The following MAP2K5 variants were observed in gnomAD, a reference collection of about 807,000 sequenced individuals.
The protein encoded by MAP2K5 is mitogen-activated protein kinase kinase 5.
Under a neutral mutation model 83.1 loss-of-function variants are expected in MAP2K5, and 49 were observed. The ratio of observed to expected loss-of-function variants is 0.59; its 90% CI spans 0.47 to 0.75. MAP2K5 has a LOEUF of 0.75. Among genes scored for constraint, MAP2K5 ranks in the 30% least tolerant of loss-of-function variants. MAP2K5 has a pLI of 0.00. For missense variants in MAP2K5, 457 were observed against 557.5 expected, an observed-to-expected ratio of 0.82 and a Z score of 1.82; for synonymous variants, 202 against 191.8, an observed-to-expected ratio of 1.05 and a Z score of -0.44.
At chr15:67,675,749 G>A (rs528055828) in intron 13 of MAP2K5, among the ~76,000 whole-genome samples, 2 of 152,246 alleles carry the variant, frequency 1.3e-5, no homozygotes, top group Admixed American at 1.3e-4. Context: ...TATTCAGAAG[G>A]TCAGCTTAAT....
chr15:67,783,027 AC>A lies in MAP2K5; in HGVS notation c.1242+10276del, dbSNP rs2090354885. On this transcript the variant is annotated intron_variant, in intron 21 of 21. Coordinates refer to ENST00000178640, the MANE Select transcript of MAP2K5 (RefSeq NM_145160.3). The surrounding 1 kb of genome is among the most constrained non-coding windows in gnomAD (Gnocchi z 5.1). ...GACTGGCTGAATTATAACCCACTGC[AC>A]GTCTGGTGCAGATTTGTATTGCAGA... 6.6e-6 allele frequency among the ~76,000 whole-genome samples: 1 copy of A among 152,240 alleles called. No homozygotes were observed. Among genetic ancestry groups the A allele is most frequent in the African/African-American group, 2.4e-5 (1 of 41,472 alleles).
chr15:67,597,117 C>T (rs535804651), intron 7 of MAP2K5, among the ~76,000 whole-genome samples: 4 of 149,730 alleles, frequency 2.7e-5, no homozygotes, highest in South Asian at 2.1e-4. Context: ...TGCAGTGAGC[C>T]GAGATCACGT....
chr15:67,646,009 T>C (rs2086823990), intron 9 of MAP2K5, among the ~76,000 whole-genome samples: 1 of 152,202 alleles, frequency 6.6e-6, no homozygotes, highest in East Asian at 1.9e-4. Context: ...CTGGCTTTTT[T>C]CTTTGGTCCC....
Position 67,639,814 on chromosome 15 carries a change from A to T in MAP2K5, c.586-6417A>T, listed in dbSNP as rs185363613. On this transcript the variant is annotated intron_variant, in intron 9 of 21. Coordinates refer to ENST00000178640, the MANE Select transcript of MAP2K5 (RefSeq NM_145160.3). The stretch of plus-strand genomic sequence containing the variant: ...GGCACTTTCTCACTTCAACACTTTG[A>T]TTCACGTATTCCTCTCTAATTAGAA... Among the ~76,000 whole-genome samples, 79 of 152,298 alleles carry T rather than the reference A, an allele frequency of 5.2e-4. 2 individuals are homozygous for T. Among genetic ancestry groups the T allele is most frequent in the African/African-American group, 1.9e-3 (78 of 41,572 alleles).
intron 9 of MAP2K5, chr15:67,642,334 G>A: frequency 9.7e-7 from 1 of 1,034,034 alleles, no homozygotes; most frequent in East Asian, 2.6e-5. Context: ...TGGAGTGCTG[G>A]GGGGGATAGA....
Position 67,724,585 on chromosome 15 carries a change from A to G in MAP2K5, c.1045-3331A>G, listed in dbSNP as rs1823182696. 6.6e-6 allele frequency among the ~76,000 whole-genome samples: 1 copy of G among 152,170 alleles called. No individual in the cohort carries two copies. The highest frequency in any genetic ancestry group is 1.5e-5 in the Non-Finnish European group (1 of 68,032). ...CATTTTTGTAGAGAACTCGTTCTTCATGCAGCCATATCTACTAAGAAACCA... is the reference window on the plus strand; with the variant it reads ...CATTTTTGTAGAGAACTCGTTCTTCGTGCAGCCATATCTACTAAGAAACCA... On this transcript the variant is annotated intron_variant, in intron 16 of 21. Coordinates refer to ENST00000178640, the MANE Select transcript of MAP2K5 (RefSeq NM_145160.3). The surrounding 1 kb of genome is among the most constrained non-coding windows in gnomAD (Gnocchi z 4.4).
chr15:67,761,351 A>G (rs1234633920), intron 19 of MAP2K5, among the ~76,000 whole-genome samples: 2 of 151,922 alleles, frequency 1.3e-5, no homozygotes, highest in Non-Finnish European at 2.9e-5. Context: ...CTGTCTGTCT[A>G]TTTTATGAAA....
In MAP2K5 at chr15:67,769,806, A is replaced by G. The variant is rs1354610812; in HGVS notation, c.1196+143A>G. The G allele has an allele frequency of 1.5e-6, 1 of 673,304 alleles. No individual in the cohort carries two copies. Among genetic ancestry groups the G allele is most frequent in the South Asian group, 1.9e-5 (1 of 53,176 alleles). The allele number at this position is 673,304 out of a possible 1,614,324, so 41.7% of individuals were successfully genotyped here. ...GGGGCCTTGGGCAGATGGGGCAGCAAAGCTGAAGAAATTGTTTAAATTATG... is the reference window on the plus strand; with the variant it reads ...GGGGCCTTGGGCAGATGGGGCAGCAGAGCTGAAGAAATTGTTTAAATTATG... On this transcript the variant is annotated intron_variant, in intron 20 of 21. Coordinates refer to ENST00000178640, the MANE Select transcript of MAP2K5 (RefSeq NM_145160.3). The surrounding 1 kb of genome is among the most constrained non-coding windows in gnomAD (Gnocchi z 5.2).
chr15:67,771,910 C>CT (rs770573795), intron 20 of MAP2K5, among the ~76,000 whole-genome samples: 21 of 152,178 alleles, frequency 1.4e-4, no homozygotes, highest in Non-Finnish European at 2.6e-4. Context: ...CATGGACACT[C>CT]TGAGTTTAGA....
At chr15:67,741,027 CAAAAA>C (rs34516294) in intron 17 of MAP2K5, among the ~76,000 whole-genome samples, 2 of 63,110 alleles carry the variant, frequency 3.2e-5, no homozygotes, top group Non-Finnish European at 3.4e-5. Context: ...GACTCCGTCT[CAAAAA>C]AAAAAAAAAA....
At chr15:67,631,028 T>G (rs1362400477) in intron 9 of MAP2K5, 101 bp downstream of exon 9, 8 of 944,926 alleles carry the variant, frequency 8.5e-6, no homozygotes, top group Non-Finnish European at 1.3e-5. Context: ...ATGAAATGGC[T>G]TAAGGTTTAG....
chr15:67,591,483 T>C (rs893011476), intron 6 of MAP2K5, among the ~76,000 whole-genome samples: 4 of 151,350 alleles, frequency 2.6e-5, no homozygotes, highest in Non-Finnish European at 5.9e-5. Flanking sequence ...CACACCATTC[T>C]CCTGCCCCAG....
chr15:67,616,101 TC>T (rs1330399639), intron 8 of MAP2K5, among the ~76,000 whole-genome samples: 1 of 152,182 alleles, frequency 6.6e-6, no homozygotes, highest in African/African-American at 2.4e-5. Context: ...AATGGAAACT[TC>T]TAAGTTGAGG....
In MAP2K5 at chr15:67,572,392, C is replaced by T. The variant is rs2084966109; in HGVS notation, c.253-8362C>T. 6.6e-6 allele frequency among the ~76,000 whole-genome samples: 1 copy of T among 152,060 alleles called. No individual in the cohort carries two copies. Among genetic ancestry groups the T allele is most frequent in the Admixed American group, 6.6e-5 (1 of 15,262 alleles). ...TGTTAGTCTGTTTTCATACTGTTAT[C>T]GGAAAGGGGTCCCAATCCAGACCCT... is the stretch of plus-strand genomic sequence containing the variant. On this transcript the variant is annotated intron_variant, in intron 3 of 21. Transcript: ENST00000178640. The surrounding 1 kb of genome is among the most constrained non-coding windows in gnomAD (Gnocchi z 4.2).
intron 4 of MAP2K5, chr15:67,585,655 C>G (rs1212267704): frequency 6.2e-6 from 3 of 482,320 alleles, no homozygotes; most frequent in Non-Finnish European, 1.1e-5. Flanking sequence ...ATGTTTTAAG[C>G]AGAAATTGGA....
At chr15:67,580,172 C>A (rs188136765) in intron 3 of MAP2K5, among the ~76,000 whole-genome samples, 1 of 152,084 alleles carries the variant, frequency 6.6e-6, no homozygotes, top group African/African-American at 2.4e-5. Flanking sequence ...CAATTTGATC[C>A]GTACTAAAGT....
At chr15:67,656,351 G>T (rs1402304588) in intron 11 of MAP2K5, among the ~76,000 whole-genome samples, 1 of 150,278 alleles carries the variant, frequency 6.7e-6, no homozygotes, top group Non-Finnish European at 1.5e-5. Context: ...TTGAGACAGG[G>T]TCTTACTCTG....
At chr15:67,682,174 AAAAC>A (rs1291709170) in intron 13 of MAP2K5, among the ~76,000 whole-genome samples, 1 of 152,146 alleles carries the variant, frequency 6.6e-6, no homozygotes, top group African/African-American at 2.4e-5. Context: ...AGTGAAGCTG[AAAAC>A]AAACAAGAAA....
intron 13 of MAP2K5, among the ~76,000 whole-genome samples, chr15:67,679,039 T>TC (rs911725766): frequency 6.6e-6 from 1 of 150,532 alleles, no homozygotes; most frequent in East Asian, 2.0e-4. Flanking sequence ...ATTAAGTAAC[T>TC]CCAACTGTAG....
Sources: allele counts gnomAD v4.1 joint callset (sites outside exome capture counted in the v4.1 genomes callset), GRCh38; gene constraint gnomAD v4.1.1; non-coding constraint Gnocchi (gnomAD v3.1); transcripts MANE v1.5; gene names NCBI Gene and HGNC (gene_info 2026-07-23, HGNC 2026-07-21).